Variants in BTBD3 observed in about 807,000 individuals in gnomAD.
BTBD3 encodes the protein BTB domain containing 3.
A neutral mutation model predicts 41.6 loss-of-function variants in BTBD3; 14 were observed. That is an observed-to-expected ratio of 0.34 (90% CI 0.22 to 0.53). BTBD3 has a LOEUF of 0.53. Among genes scored for constraint, BTBD3 ranks in the 20% least tolerant of loss-of-function variants. The pLI is 0.95. For synonymous variants in BTBD3, 249 were observed against 233.7 expected, an observed-to-expected ratio of 1.07 and a Z score of -0.60; for missense variants, 426 against 654.7, an observed-to-expected ratio of 0.65 and a Z score of 3.81.
chr20:11,919,206 C>A, intron 2 of BTBD3, 30 bp downstream of exon 2: 1 of 1,590,680 alleles, frequency 6.3e-7, no homozygotes, highest in Non-Finnish European at 8.6e-7. Context: ...CCGGTTTAGT[C>A]CTGACGTTTA....
chr20:11,924,602 T>C lies in BTBD3; in HGVS notation c.*936T>C, dbSNP rs563525682. The stretch of plus-strand genomic sequence containing the variant: ...TATAAGTCATACTGTGTAGAATTTC[T>C]ATTTTCTTTTTCCCCATTAAAAGAG... On this transcript the variant is annotated 3_prime_UTR_variant, in exon 4 of 4. Coordinates refer to ENST00000378226, the MANE Select transcript of BTBD3 (RefSeq NM_014962.4). 2.6e-5 allele frequency: 4 copies of C among 152,792 alleles called. No individual in the cohort carries two copies. Among genetic ancestry groups the C allele is most frequent in the Non-Finnish European group, 5.9e-5 (4 of 68,034 alleles). The allele number at this position is 152,792 out of a possible 1,614,324, so 9.5% of individuals were successfully genotyped here.
Position 11,924,340 on chromosome 20 carries a change from GT to G in BTBD3, c.*677del, listed in dbSNP as rs2057000043. 6.6e-6 allele frequency: 1 copy of G among 152,056 alleles called. No individual in the cohort carries two copies. The highest frequency in any genetic ancestry group is 2.4e-5 in the African/African-American group (1 of 41,404). 9.4% of individuals were successfully genotyped at this position (152,056 alleles called of 1,614,324 possible). A position where few individuals can be genotyped will look rare whatever the true frequency, so the allele number is the denominator to read the frequency against. ...CTACAAGCAGATTTCTTTTCTTTTA[GT>G]TTAGAAGACAAAAAATTTCAATACA... is the stretch of plus-strand genomic sequence containing the variant. On this transcript the variant is annotated 3_prime_UTR_variant, in exon 4 of 4. Transcript: ENST00000378226.
chr20:11,919,718 T>C lies in BTBD3; in HGVS notation c.418T>C (p.Tyr140His). The C allele has an allele frequency of 6.2e-7, 1 of 1,613,050 alleles. No homozygotes were observed. Among genetic ancestry groups the C allele is most frequent in the Non-Finnish European group, 8.5e-7 (1 of 1,179,024 alleles). The change falls in exon 3 of 4, where the codon TAT (tyrosine) becomes CAT (histidine). Residue 140 changes from tyrosine (Y) to histidine (H), a missense_variant and splice_region_variant. By Grantham distance (83) the Tyr-to-His change is moderately conservative. This residue lies in a region of BTBD3 where 321 missense variants were observed against 534.8 expected (regional missense o/e 0.60). Transcript: ENST00000378226. ...GGTQRLPGHK[Y>H]VLAVGSSVFH... is the part of the protein sequence containing the mutation. ...AAATAAGATTTCCCTTTCTACACAG[T>C]ATGTTTTAGCTGTTGGGAGCTCTGT...
intron 1 of BTBD3, among the ~76,000 whole-genome samples, chr20:11,907,499 C>T (rs940836928): frequency 1.3e-5 from 2 of 152,182 alleles, no homozygotes; most frequent in Non-Finnish European, 2.9e-5. Context: ...TCTTGTGTAA[C>T]CATTGAAAGC....
intron 1 of BTBD3, among the ~76,000 whole-genome samples, chr20:11,910,689 A>C (rs544161551): frequency 1.3e-5 from 2 of 152,314 alleles, no homozygotes; most frequent in East Asian, 3.9e-4. Flanking sequence ...TCTTGAATTG[A>C]TTGATAAAAT....
In BTBD3 at chr20:11,925,984, A is replaced by T. The variant is rs1304566872; in HGVS notation, c.*2318A>T. The stretch of plus-strand genomic sequence containing the variant: ...GGCTGGTACCGAGAGCTGTGGGTAA[A>T]ATTTGAAAATTGTATTTAGAATAAG... On this transcript the variant is annotated 3_prime_UTR_variant, in exon 4 of 4. Transcript: ENST00000378226. 6.6e-6 allele frequency: 1 copy of T among 152,178 alleles called. No individual in the cohort carries two copies. Among genetic ancestry groups the T allele is most frequent in the African/African-American group, 2.4e-5 (1 of 41,446 alleles). 9.4% of individuals were successfully genotyped at this position (152,178 alleles called of 1,614,324 possible).
intron 1 of BTBD3, chr20:11,909,765 GCAAAACAAAACAAAA>G (rs534646614): frequency 3.3e-5 from 5 of 152,130 alleles, no homozygotes; most frequent in Non-Finnish European, 5.9e-5. Context: ...ATGTGGTTTT[GCAAAACAAAACAAAA>G]CAAAACAAAA....
intron 1 of BTBD3, chr20:11,909,293 A>T (rs1266102579): frequency 6.8e-6 from 1 of 146,766 alleles, no homozygotes; most frequent in Admixed American, 6.8e-5. Flanking sequence ...AAAAAAAAGT[A>T]GCATAAAATG....
chr20:11,912,105 G>GACCTC (rs1341586587), intron 1 of BTBD3, among the ~76,000 whole-genome samples: 3 of 152,092 alleles, frequency 2.0e-5, no homozygotes, highest in African/African-American at 7.2e-5. Flanking sequence ...TAATGAAACT[G>GACCTC]ACCATGAACC....
intron 1 of BTBD3, 25 bp downstream of exon 1, chr20:11,918,626 C>T: frequency 1.3e-6 from 2 of 1,537,814 alleles, no homozygotes; most frequent in Non-Finnish European, 1.7e-6. Context: ...AGTCTATTTA[C>T]TTTAAAAGTT....
rs528652926 is a variant in BTBD3 at position 11,910,210 on chromosome 20, A to G, written c.-125-8124A>G. ...GATGGAGGAGATGTTCTTGGTGACT[A>G]TCTTTCGAATATCAGAAAAAAAAAC... On this transcript the variant is annotated intron_variant, in intron 1 of 4. Transcript: ENST00000254977. 8 of 147,130 alleles carry G rather than the reference A, an allele frequency of 5.4e-5. No individual in the cohort carries two copies. The East Asian group carries it at 7.8e-4, about 14-fold the overall frequency. The allele number at this position is 147,130 out of a possible 1,614,324, so 9.1% of individuals were successfully genotyped here. A position where few individuals can be genotyped will look rare whatever the true frequency, so the allele number is the denominator to read the frequency against.
At chr20:11,917,498 AGTT>A (rs1269966172), upstream of BTBD3, among the ~76,000 whole-genome samples, 2 of 152,208 alleles carry the variant, frequency 1.3e-5, no homozygotes, top group African/African-American at 4.8e-5. Flanking sequence ...AGCCCTTTTC[AGTT>A]TATAGACTGG....
intron 1 of BTBD3, among the ~76,000 whole-genome samples, chr20:11,896,481 T>G (rs2056787942): frequency 6.6e-6 from 1 of 152,228 alleles, no homozygotes; most frequent in South Asian, 2.1e-4. Context: ...TGCACTAGAT[T>G]TAGCATTCTG....
At chr20:11,896,193 ATC>A (rs2056786071) in intron 1 of BTBD3, among the ~76,000 whole-genome samples, 1 of 152,288 alleles carries the variant, frequency 6.6e-6, no homozygotes, top group African/African-American at 2.4e-5. Context: ...ATGACCTTTT[ATC>A]TCTCAGCAGA....
At chr20:11,897,514 A>G (rs1321849288) in intron 1 of BTBD3, among the ~76,000 whole-genome samples, 3 of 143,842 alleles carry the variant, frequency 2.1e-5, no homozygotes, top group African/African-American at 7.6e-5. Context: ...AAAAAAGAAC[A>G]TGGAATCCTC....
At chr20:11,891,216 G>A (rs2056751260) in intron 1 of BTBD3, 2 of 152,754 alleles carry the variant, frequency 1.3e-5, no homozygotes, top group Admixed American at 6.6e-5. Flanking sequence ...GGGCCCGCGC[G>A]GAGGTCCTGG....
chr20:11,922,588 A>G (rs756362962), intron 3 of BTBD3, 46 bp from the exon 4 acceptor site: 5 of 1,527,196 alleles, frequency 3.3e-6, no homozygotes, highest in Non-Finnish European at 4.4e-6. Context: ...TGCTGGATGT[A>G]CTCATTTTGT....
chr20:11,913,689 A>G (rs1426398297), upstream of BTBD3: 1 of 152,180 alleles, frequency 6.6e-6, no homozygotes, highest in Non-Finnish European at 1.5e-5. Flanking sequence ...GTGAAAAAAG[A>G]GTTGCATTAA....
intron 1 of BTBD3, among the ~76,000 whole-genome samples, chr20:11,907,843 G>A (rs2056865410): frequency 6.6e-6 from 1 of 152,164 alleles, no homozygotes; most frequent in Non-Finnish European, 1.5e-5. Flanking sequence ...TGGGAATTGA[G>A]CCAGGTCATG....
Sources: gnomAD v4.1 joint callset for allele counts (sites outside exome capture counted in the v4.1 genomes callset) on GRCh38, gnomAD v4.1.1 for gene constraint, gnomAD v4.1.1 regional missense constraint, MANE v1.5 for transcripts, NCBI Gene and HGNC (gene_info 2026-07-23, HGNC 2026-07-21) for gene names.